Variants in ST3GAL2 observed in about 807,000 individuals in gnomAD.
ST3GAL2 encodes ST3 beta-galactoside alpha-2,3-sialyltransferase 2, also known as CMP-N-acetylneuraminate-beta-galactosamide-alpha-2,3-sialyltransferase 2.
A neutral mutation model predicts 37.5 loss-of-function variants in ST3GAL2; 16 were observed. The observed-to-expected ratio is 0.43, with a 90% confidence interval of 0.29 to 0.65. The LOEUF is 0.65. Ranked by LOEUF, ST3GAL2 falls within the 30% of genes least tolerant of loss-of-function variation. ST3GAL2 has a pLI of 0.17. For synonymous variants in ST3GAL2, 238 were observed against 202.9 expected (o/e 1.17, Z -1.47); for missense variants, 383 against 487.8 (o/e 0.79, Z 2.02).
At chr16:70,426,220 A>C (rs796494172) in intron 1 of ST3GAL2, among the ~76,000 whole-genome samples, 1 of 131,392 alleles carries the variant, frequency 7.6e-6, no homozygotes, top group African/African-American at 2.8e-5. Flanking sequence ...TTGAGACTGA[A>C]TCTCACTCTG....
At chr16:70,417,118 C>A (rs1325862295) in intron 1 of ST3GAL2, among the ~76,000 whole-genome samples, 1 of 152,192 alleles carries the variant, frequency 6.6e-6, no homozygotes, top group African/African-American at 2.4e-5. Flanking sequence ...GGAATAGCAC[C>A]CATCTCGAAG....
intron 1 of ST3GAL2, among the ~76,000 whole-genome samples, chr16:70,431,459 C>T (rs1476459341): frequency 6.6e-6 from 1 of 152,196 alleles, no homozygotes; most frequent in Non-Finnish European, 1.5e-5. Context: ...GCAATGCCAC[C>T]TCCCAGGAGG....
At chr16:70,418,082 G>C (rs1003914255) in intron 1 of ST3GAL2, among the ~76,000 whole-genome samples, 3 of 152,116 alleles carry the variant, frequency 2.0e-5, no homozygotes, top group African/African-American at 7.2e-5. Context: ...TTCTGTACTC[G>C]TCTGCATGTC....
In ST3GAL2 at chr16:70,378,403, C is replaced by CAAAAAAAA. The variant is rs59855741; in HGVS notation, c.*3278_*3285dup. 3 of 39,066 alleles carry CAAAAAAAA rather than the reference C, an allele frequency of 7.7e-5. No individual in the cohort carries two copies. The highest frequency in any genetic ancestry group is 3.1e-4 in the African/African-American group (3 of 9,708). 2.4% of individuals were successfully genotyped at this position (39,066 alleles called of 1,614,324 possible). On this transcript the variant is annotated 3_prime_UTR_variant, in exon 7 of 7. Coordinates refer to ENST00000342907, the MANE Select transcript of ST3GAL2 (RefSeq NM_006927.4). The stretch of plus-strand genomic sequence containing the variant: ...TGGGTGACAGAGCAAGACTCCATCT[C>CAAAAAAAA]AAAAAAAAAAAAAAAAAAAAGCCAG...
chr16:70,405,984 C>A (rs1360202423), intron 1 of ST3GAL2, among the ~76,000 whole-genome samples: 4 of 151,680 alleles, frequency 2.6e-5, no homozygotes, highest in African/African-American at 7.3e-5. Flanking sequence ...TGGCGTGAAC[C>A]CGGGAGGCAG....
At chr16:70,437,258 G>A (rs1281156478) in intron 1 of ST3GAL2, among the ~76,000 whole-genome samples, 2 of 152,218 alleles carry the variant, frequency 1.3e-5, no homozygotes, top group African/African-American at 4.8e-5. Context: ...CACCCACACA[G>A]ACAGTTGGCC....
intron 1 of ST3GAL2, among the ~76,000 whole-genome samples, chr16:70,426,111 T>C (rs1291403227): frequency 6.7e-6 from 1 of 150,368 alleles, no homozygotes; most frequent in African/African-American, 2.4e-5. Flanking sequence ...ACCGTCAATA[T>C]AGAACGTAAC....
chr16:70,409,714 G>A (rs1315806126), intron 1 of ST3GAL2, among the ~76,000 whole-genome samples: 3 of 151,710 alleles, frequency 2.0e-5, no homozygotes, highest in African/African-American at 7.3e-5. Flanking sequence ...AATCACAGTT[G>A]ACTGTAGACT....
intron 2 of ST3GAL2, among the ~76,000 whole-genome samples, chr16:70,397,880 G>A (rs868428748): frequency 1.3e-5 from 2 of 152,044 alleles, no homozygotes; most frequent in Non-Finnish European, 2.9e-5. Flanking sequence ...GGGCCGAGGG[G>A]CGGCTGCCTC....
intron 1 of ST3GAL2, among the ~76,000 whole-genome samples, chr16:70,402,137 T>TA (rs2047560215): frequency 6.6e-6 from 1 of 150,502 alleles, no homozygotes; most frequent in Non-Finnish European, 1.5e-5. Flanking sequence ...CCATCTCTAC[T>TA]AAAAATACAA....
chr16:70,417,935 G>A (rs988164816), intron 1 of ST3GAL2, among the ~76,000 whole-genome samples: 22 of 152,084 alleles, frequency 1.4e-4, no homozygotes, highest in South Asian at 4.1e-4. Context: ...CTGACAGTCC[G>A]CTCTGATTTC....
rs140990959 is a variant in ST3GAL2, at chr16:70,401,478, G to A, written c.-1003-1945C>T. 1.4e-3 allele frequency among the ~76,000 whole-genome samples: 208 copies of A among 152,234 alleles called. 5 individuals are homozygous for A. Among genetic ancestry groups the A allele is most frequent in the African/African-American group, 4.6e-3 (190 of 41,552 alleles). On this transcript the variant is annotated intron_variant, in intron 1 of 6. Coordinates refer to ENST00000342907, the MANE Select transcript of ST3GAL2 (RefSeq NM_006927.4). The stretch of plus-strand genomic sequence containing the variant: ...CCAGGTGTTACTGCAAATACAGGAT[G>A]CTCAGCTTGTTGTGGTGAGGGCAAA...
chr16:70,394,831 G>A, intron 3 of ST3GAL2, 151 bp downstream of exon 3: 2 of 831,450 alleles, frequency 2.4e-6, no homozygotes, highest in Non-Finnish European at 1.9e-6. Context: ...AAAGGAGAGA[G>A]CTCCAAGCCT....
rs574593500 is a variant in ST3GAL2, at chr16:70,398,391, C to T, written c.140G>A (p.Arg47Gln). ...GGCATAGCCGGGCACCAGCTTCACC[C>T]GGTGCGTCCCATCCAGGGCCCCTGA... ...LDSGALDGTH[R>Q]VKLVPGYAGL... Residue 47 changes from arginine (R) to glutamine (Q), a missense_variant, in exon 2 of 7, where the codon CGG becomes CAG. Transcript: ENST00000342907. The T allele has an allele frequency of 8.4e-5, 135 of 1,613,504 alleles. 1 individual carries two copies. The highest frequency in any genetic ancestry group is 6.7e-4 in the Admixed American group (40 of 60,014).
At chr16:70,404,985 A>G (rs1000415674) in intron 1 of ST3GAL2, among the ~76,000 whole-genome samples, 4 of 151,336 alleles carry the variant, frequency 2.6e-5, no homozygotes, top group Non-Finnish European at 5.9e-5. Context: ...GTGAGCCGAG[A>G]TCGCACCACT....
chr16:70,381,959 C>T, intron 6 of ST3GAL2, 97 bp from the exon 7 acceptor site: 1 of 1,516,144 alleles, frequency 6.6e-7, no homozygotes, highest in African/African-American at 1.4e-5. Context: ...GACGGGAGGC[C>T]CCGGGGAGAT....
chr16:70,382,410 G>C (rs1395253538), intron 6 of ST3GAL2, among the ~76,000 whole-genome samples: 2 of 152,050 alleles, frequency 1.3e-5, no homozygotes, highest in Non-Finnish European at 2.9e-5. Context: ...AGCCTCCCGA[G>C]TAGCTAAGAT....
intron 1 of ST3GAL2, among the ~76,000 whole-genome samples, chr16:70,413,573 A>T (rs2047654451): frequency 6.7e-6 from 1 of 148,172 alleles, no homozygotes; most frequent in Non-Finnish European, 1.5e-5. Flanking sequence ...AAAAAAAAAA[A>T]AAAAAAAAAA....
Position 70,398,777 on chromosome 16 carries a change from C to T in ST3GAL2, c.-247G>A, listed in dbSNP as rs572258345. On this transcript the variant is annotated 5_prime_UTR_variant, in exon 2 of 7. Coordinates refer to ENST00000342907, the MANE Select transcript of ST3GAL2 (RefSeq NM_006927.4). Reference sequence around the variant, plus strand: ...CCCTGCTTAGGGCTTCATCGGGTCTCTCCGTCACTAGCTAGGCCACAGAGG... The same window carrying T: ...CCCTGCTTAGGGCTTCATCGGGTCTTTCCGTCACTAGCTAGGCCACAGAGG... The T allele has an allele frequency of 5.1e-6, 3 of 584,566 alleles. No homozygotes were observed. The South Asian group carries it at 6.5e-5, about 13-fold the overall frequency. The allele number at this position is 584,566 out of a possible 1,614,324, so 36.2% of individuals were successfully genotyped here.
Sources: allele counts gnomAD v4.1 joint callset (sites outside exome capture counted in the v4.1 genomes callset), GRCh38; gene constraint gnomAD v4.1.1; transcripts MANE v1.5; gene names NCBI Gene and HGNC (gene_info 2026-07-23, HGNC 2026-07-21).